Variants in TNFSF4 observed in about 807,000 individuals in gnomAD.
The protein encoded by TNFSF4 is TNF superfamily member 4, also known as tumor necrosis factor ligand superfamily member 4.
In TNFSF4, 4 loss-of-function variants were observed where a neutral mutation model predicts 7.3. That is an observed-to-expected ratio of 0.55 (90% confidence interval 0.27 to 1.25). The LOEUF is 1.25. TNFSF4 is among the 50% of genes most tolerant of loss of function. The pLI is 0.12. For synonymous variants in TNFSF4, 76 were observed against 83.7 expected (o/e 0.91, Z 0.50); for missense variants, 181 against 208.8 (o/e 0.87, Z 0.82).
the TNFSF4 span, among the ~76,000 whole-genome samples, chr1:173,232,991 C>T: frequency 1.3e-5 from 2 of 152,134 alleles, no homozygotes; most frequent in African/African-American, 2.4e-5. Context: ...ATGACTTTGA[C>T]GAGTTGAGAG....
At chr1:173,260,582 G>A in the TNFSF4 span, among the ~76,000 whole-genome samples, 72 of 152,278 alleles carry the variant, frequency 4.7e-4, no homozygotes, top group Admixed American at 1.4e-3. Flanking sequence ...TTAGTGTGCT[G>A]TATTCAAGAG....
chr1:173,378,918 T>G, the TNFSF4 span, among the ~76,000 whole-genome samples: 1 of 147,842 alleles, frequency 6.8e-6, no homozygotes, highest in Non-Finnish European at 1.5e-5. Flanking sequence ...TCCTTCAAGC[T>G]GTAGGGGGAG....
chr1:173,173,290 G>T, the TNFSF4 span, among the ~76,000 whole-genome samples: 1 of 152,070 alleles, frequency 6.6e-6, no homozygotes, highest in Admixed American at 6.6e-5. Context: ...ACTCATTTCA[G>T]CATTCATCCA....
At chr1:173,450,462 T>C in the TNFSF4 span, among the ~76,000 whole-genome samples, 2 of 151,740 alleles carry the variant, frequency 1.3e-5, no homozygotes, top group Non-Finnish European at 2.9e-5. Flanking sequence ...ACCAAAGACA[T>C]TACAATTAAG....
Position 173,207,071 on chromosome 1 carries a change from G to C in TNFSF4, c.106C>G (p.Leu36Val). The C allele has an allele frequency of 1.2e-6, 2 of 1,613,792 alleles. No homozygotes were observed. The highest frequency in any genetic ancestry group is 1.7e-6 in the Non-Finnish European group (2 of 1,179,892). ...LVASVIQGLG[L>V]LLCFTYICLH... ...CAGATGTAGGTGAAGCACAGGAGCA[G>C]CCCCAGTCCCTGAATTACAGAGGCC... The change falls in exon 1 of 3, where the codon CTG becomes GTG. Residue 36 changes from leucine (L) to valine (V), a missense_variant. Coordinates refer to ENST00000281834, the MANE Select transcript of TNFSF4 (RefSeq NM_003326.5).
the TNFSF4 span, among the ~76,000 whole-genome samples, chr1:173,434,552 A>G: frequency 6.6e-6 from 1 of 152,214 alleles, no homozygotes; most frequent in Non-Finnish European, 1.5e-5. Flanking sequence ...GAGTTCATGG[A>G]TGTGCTGGGG....
At chr1:173,383,879 T>C in the TNFSF4 span, among the ~76,000 whole-genome samples, 1 of 152,196 alleles carries the variant, frequency 6.6e-6, no homozygotes, top group Non-Finnish European at 1.5e-5. Flanking sequence ...TCAAAATGCC[T>C]ACCACTCAGG....
the TNFSF4 span, among the ~76,000 whole-genome samples, chr1:173,308,162 T>C: frequency 6.6e-6 from 1 of 151,936 alleles, no homozygotes; most frequent in African/African-American, 2.4e-5. Flanking sequence ...TGATTAGCCT[T>C]TAAGTCTTAT....
At chr1:173,312,795 T>C in the TNFSF4 span, among the ~76,000 whole-genome samples, 4 of 152,068 alleles carry the variant, frequency 2.6e-5, no homozygotes, top group East Asian at 5.8e-4. Flanking sequence ...AAAACACACA[T>C]GCTCACAGGG....
At chr1:173,265,123 C>G in the TNFSF4 span, among the ~76,000 whole-genome samples, 1 of 152,150 alleles carries the variant, frequency 6.6e-6, no homozygotes. Context: ...CTTTTAGACC[C>G]CGCAGAAGTT....
At chr1:173,390,863 A>G in the TNFSF4 span, among the ~76,000 whole-genome samples, 1 of 149,958 alleles carries the variant, frequency 6.7e-6, no homozygotes, top group African/African-American at 2.5e-5. Context: ...CTCCTGCCTC[A>G]GCCTCTCGAG....
At chr1:173,421,900 CAA>C in the TNFSF4 span, among the ~76,000 whole-genome samples, 3 of 152,188 alleles carry the variant, frequency 2.0e-5, no homozygotes, top group Admixed American at 2.0e-4. Flanking sequence ...ATGAGGATAT[CAA>C]AACTTTTTGT....
At chr1:173,387,206 G>A in the TNFSF4 span, among the ~76,000 whole-genome samples, 4 of 152,236 alleles carry the variant, frequency 2.6e-5, no homozygotes, top group Admixed American at 2.6e-4. Flanking sequence ...TGATTTGCAT[G>A]TTTGTGTTCC....
the TNFSF4 span, among the ~76,000 whole-genome samples, chr1:173,327,798 T>A: frequency 0.33 from 50,585 of 151,466 alleles, 8,827 homozygotes; most frequent in African/African-American, 0.39. Context: ...TCAAAACCAC[T>A]ATGAGATACC....
chr1:173,233,871 C>A, the TNFSF4 span, among the ~76,000 whole-genome samples: 7 of 152,150 alleles, frequency 4.6e-5, no homozygotes, highest in African/African-American at 1.7e-4. Flanking sequence ...CAATACCATT[C>A]AGGACATAGG....
At chr1:173,349,010 C>T in the TNFSF4 span, among the ~76,000 whole-genome samples, 168 of 152,170 alleles carry the variant, frequency 1.1e-3, no homozygotes, top group Non-Finnish European at 1.4e-3. Flanking sequence ...GTTTCCCTTG[C>T]TTCCTTGCTT....
At chr1:173,195,831 G>A (rs1312432109) in intron 1 of TNFSF4, among the ~76,000 whole-genome samples, 1 of 152,188 alleles carries the variant, frequency 6.6e-6, no homozygotes, top group Non-Finnish European at 1.5e-5. Context: ...GGCAGCAGTG[G>A]GACGTGGGCT....
the TNFSF4 span, among the ~76,000 whole-genome samples, chr1:173,430,258 C>T: frequency 6.6e-6 from 1 of 152,244 alleles, no homozygotes; most frequent in Non-Finnish European, 1.5e-5. Context: ...CTAACACACA[C>T]AAATAACATT....
the TNFSF4 span, among the ~76,000 whole-genome samples, chr1:173,396,143 C>T: frequency 6.6e-6 from 1 of 152,166 alleles, no homozygotes. Context: ...AGGTGTGCTA[C>T]ACTCCAAAAC....
Sources: allele counts gnomAD v4.1 joint callset (sites outside exome capture counted in the v4.1 genomes callset), GRCh38; gene constraint gnomAD v4.1.1; transcripts MANE v1.5; gene names NCBI Gene and HGNC (gene_info 2026-07-23, HGNC 2026-07-21).